Variants in SLIT3 observed in about 807,000 individuals in gnomAD.
SLIT3 encodes the protein slit guidance ligand 3, also known as slit homolog 3 protein.
In SLIT3, 68 loss-of-function variants were observed where a neutral mutation model predicts 184.0. That is an observed-to-expected ratio of 0.37 (90% CI 0.30 to 0.45). SLIT3 has a LOEUF of 0.45. SLIT3 is among the 20% of genes least tolerant of loss of function. The probability of loss-of-function intolerance (pLI) is 1.00; values close to 1 mark genes in which losing one functional copy is unlikely to be tolerated. For missense variants in SLIT3, 1,707 were observed against 2,026.0 expected (o/e 0.84, Z 3.02); for synonymous variants, 831 against 828.6 (o/e 1.00, Z -0.05).
At chr5:168,815,139 C>G (rs1013325664) in intron 8 of SLIT3, among the ~76,000 whole-genome samples, 5 of 152,376 alleles carry the variant, frequency 3.3e-5, no homozygotes, top group African/African-American at 1.2e-4. Flanking sequence ...GGGACCATCA[C>G]AAGCAATGGG....
At chr5:169,209,945 T>TA (rs142411571) in intron 3 of SLIT3, among the ~76,000 whole-genome samples, 21 of 151,814 alleles carry the variant, frequency 1.4e-4, no homozygotes, top group South Asian at 6.2e-4. Context: ...TAAAGTATAA[T>TA]AAAAAAAAAT....
chr5:168,762,081 T>C (rs993837624), intron 15 of SLIT3, among the ~76,000 whole-genome samples: 1 of 149,706 alleles, frequency 6.7e-6, no homozygotes, highest in Admixed American at 6.7e-5. Context: ...CAGCTATAAT[T>C]TTTTAGCTCT....
chr5:169,032,860 A>G (rs1035959797), intron 4 of SLIT3, among the ~76,000 whole-genome samples: 4 of 151,958 alleles, frequency 2.6e-5, no homozygotes, highest in Non-Finnish European at 5.9e-5. Context: ...ACATAGTAAA[A>G]AAGATACCAC....
At chr5:169,109,044 C>T (rs891823726) in intron 4 of SLIT3, among the ~76,000 whole-genome samples, 33 of 152,124 alleles carry the variant, frequency 2.2e-4, no homozygotes, top group African/African-American at 8.0e-4. Context: ...AGACTTGCTT[C>T]TCACTGACAG....
chr5:169,070,444 G>T (rs1758504596), intron 4 of SLIT3, among the ~76,000 whole-genome samples: 1 of 152,168 alleles, frequency 6.6e-6, no homozygotes, highest in Non-Finnish European at 1.5e-5. Flanking sequence ...CTGACTGTAT[G>T]TTGCAAAGAG....
intron 5 of SLIT3, among the ~76,000 whole-genome samples, chr5:168,850,650 G>A (rs571081174): frequency 2.0e-5 from 3 of 152,320 alleles, no homozygotes; most frequent in African/African-American, 7.2e-5. Flanking sequence ...GGAATAGCCT[G>A]CTTAGAACTT....
At chr5:168,749,366 A>G (rs1754614845) in intron 19 of SLIT3, 106 bp downstream of exon 19, 2 of 1,372,374 alleles carry the variant, frequency 1.5e-6, no homozygotes, top group African/African-American at 1.4e-5. Context: ...TGCATGCCCA[A>G]AGCAAAGTGG....
At chr5:168,777,081 ACACACACACACACACACACACACACC>A (rs1190764998) in intron 12 of SLIT3, among the ~76,000 whole-genome samples, 6 of 51,398 alleles carry the variant, frequency 1.2e-4, no homozygotes, top group Non-Finnish European at 2.2e-4. Flanking sequence ...ACACACACAC[ACACACACACACACACACACACACACC>A]CCCCATACCA....
rs189055244 is a variant in SLIT3, at chr5:168,730,899, T to C, written c.2271-6415A>G. Among the ~76,000 whole-genome samples the C allele has an allele frequency of 1.4e-4, 22 of 151,834 alleles. 1 individual carries two copies. Among genetic ancestry groups the C allele is most frequent in the Admixed American group, 7.2e-4 (11 of 15,260 alleles). ...ATCATGCTGAGACTAAGGATTCTAG[T>C]ATGAACAACAAAACAGAAAAGAAAT... On this transcript the variant is annotated intron_variant, in intron 20 of 35. Transcript: ENST00000519560.
chr5:169,206,805 C>T (rs993948863), intron 3 of SLIT3, among the ~76,000 whole-genome samples: 71 of 152,112 alleles, frequency 4.7e-4, no homozygotes, highest in African/African-American at 1.9e-4. Flanking sequence ...AGCCAAAGAA[C>T]GTAGAATAAT....
intron 4 of SLIT3, among the ~76,000 whole-genome samples, chr5:169,155,103 A>G (rs979939244): frequency 1.3e-5 from 2 of 152,204 alleles, no homozygotes; most frequent in Admixed American, 6.5e-5. Flanking sequence ...AGTGTGCACA[A>G]TAAGTTGCAG....
At chr5:169,061,265 T>C (rs1259971156) in intron 4 of SLIT3, among the ~76,000 whole-genome samples, 1 of 152,146 alleles carries the variant, frequency 6.6e-6, no homozygotes, top group Non-Finnish European at 1.5e-5. Flanking sequence ...AGCAGTTTGG[T>C]CCAAGGGACC....
chr5:168,952,528 C>CAAAAAAAAAAAAAAAAAAAAAAA lies in SLIT3; in HGVS notation c.414-69193_414-69192insTTTTTTTTTTTTTTTTTTTTTTT, dbSNP rs372134778. ...AATCTCAGAGAAGAAGGGAAAATGC[C>CAAAAAAAAAAAAAAAAAAAAAAA]AAAAAAAAAAAAAAAAAAAAGAGGG... On this transcript the variant is annotated intron_variant, in intron 4 of 35. Coordinates refer to ENST00000519560, the MANE Select transcript of SLIT3 (RefSeq NM_003062.4). 4.5e-4 allele frequency among the ~76,000 whole-genome samples: 35 copies of CAAAAAAAAAAAAAAAAAAAAAAA among 77,918 alleles called. 1 individual carries two copies. Among genetic ancestry groups the CAAAAAAAAAAAAAAAAAAAAAAA allele is most frequent in the African/African-American group, 2.0e-3 (34 of 17,036 alleles). The allele number at this position is 77,918 out of a possible 152,430, so 51.1% of individuals were successfully genotyped here.
At chr5:168,776,418 A>C (rs1755749441) in intron 12 of SLIT3, among the ~76,000 whole-genome samples, 2 of 152,220 alleles carry the variant, frequency 1.3e-5, no homozygotes, top group African/African-American at 4.8e-5. Flanking sequence ...TGTGTTTTCC[A>C]AAGTGCTTTC....
chr5:169,085,971 C>G (rs1581393984), intron 4 of SLIT3, among the ~76,000 whole-genome samples: 1 of 152,114 alleles, frequency 6.6e-6, no homozygotes, highest in Non-Finnish European at 1.5e-5. Context: ...TCAGCAGCAC[C>G]CTTTACTCCA....
chr5:169,057,550 T>C (rs568419127), intron 4 of SLIT3, among the ~76,000 whole-genome samples: 1 of 152,184 alleles, frequency 6.6e-6, no homozygotes, highest in African/African-American at 2.4e-5. Flanking sequence ...TGGCTAAGAA[T>C]AGGGAGTCAG....
At chr5:169,060,125 C>T (rs1758130654) in intron 4 of SLIT3, among the ~76,000 whole-genome samples, 1 of 152,248 alleles carries the variant, frequency 6.6e-6, no homozygotes, top group Non-Finnish European at 1.5e-5. Flanking sequence ...CGCAGCGGCT[C>T]ATGGCTGTAA....
chr5:168,984,123 A>C (rs1187629032), intron 4 of SLIT3, among the ~76,000 whole-genome samples: 1 of 152,180 alleles, frequency 6.6e-6, no homozygotes, highest in Non-Finnish European at 1.5e-5. Context: ...TGTAAAATGT[A>C]CTTGCAACAA....
chr5:168,984,063 A>AT (rs111453452), intron 4 of SLIT3, among the ~76,000 whole-genome samples: 11 of 147,204 alleles, frequency 7.5e-5, no homozygotes, highest in Admixed American at 4.7e-4. Flanking sequence ...ATATATATAT[A>AT]TTTTTTTTAA....
Sources: gnomAD v4.1 joint callset for allele counts (sites outside exome capture counted in the v4.1 genomes callset) on GRCh38, gnomAD v4.1.1 for gene constraint, MANE v1.5 for transcripts, NCBI Gene and HGNC (gene_info 2026-07-23, HGNC 2026-07-21) for gene names.